Variants in OSBPL8 observed in about 807,000 individuals in gnomAD.
OSBPL8 encodes the protein oxysterol-binding protein-related protein 8.
Under a neutral mutation model 125.5 loss-of-function variants are expected in OSBPL8, and 59 were observed. The ratio of observed to expected loss-of-function variants is 0.47; its 90% CI spans 0.38 to 0.58. The LOEUF (loss-of-function observed/expected upper bound fraction) is 0.58. OSBPL8 is among the 20% of genes least tolerant of loss of function. The pLI is 0.00. For synonymous variants in OSBPL8, 330 were observed against 338.9 expected, an observed-to-expected ratio of 0.97 and a Z score of 0.29; for missense variants, 758 against 1,047.8, an observed-to-expected ratio of 0.72 and a Z score of 3.82.
intron 1 of OSBPL8, among the ~76,000 whole-genome samples, chr12:76,543,595 A>T (rs752931265): frequency 2.6e-5 from 4 of 152,190 alleles, no homozygotes; most frequent in Non-Finnish European, 5.9e-5. Context: ...CTGATATCCA[A>T]AAGCCATTCA....
intron 9 of OSBPL8, 132 bp from the exon 10 acceptor site, chr12:76,392,884 G>T: frequency 1.2e-6 from 1 of 867,644 alleles, no homozygotes; most frequent in Non-Finnish European, 1.7e-6. Context: ...ATAACATCTT[G>T]CTAGAATTTA....
intron 1 of OSBPL8, 108 bp downstream of exon 1, chr12:76,559,289 G>A: frequency 6.5e-6 from 1 of 152,978 alleles, no homozygotes. Context: ...GGCGGGGGTG[G>A]CCAGGAGTCC....
At chr12:76,557,929 C>T (rs545755135) in intron 1 of OSBPL8, among the ~76,000 whole-genome samples, 1 of 152,092 alleles carries the variant, frequency 6.6e-6, no homozygotes, top group South Asian at 2.1e-4. Context: ...GAGAAATAAA[C>T]CATGGCCATT....
At chr12:76,411,146 A>G (rs537681062) in intron 4 of OSBPL8, among the ~76,000 whole-genome samples, 3 of 152,180 alleles carry the variant, frequency 2.0e-5, no homozygotes, top group Non-Finnish European at 4.4e-5. Flanking sequence ...CATTCAATTA[A>G]TGTTCACCTT....
intron 15 of OSBPL8, among the ~76,000 whole-genome samples, chr12:76,383,188 C>G (rs1953135835): frequency 6.6e-6 from 1 of 151,874 alleles, no homozygotes; most frequent in African/African-American, 2.4e-5. Flanking sequence ...ATGAAGTAAT[C>G]CCAGAAAGTG....
At chr12:76,371,208 A>T in intron 19 of OSBPL8, 1 of 314,612 alleles carries the variant, frequency 3.2e-6, no homozygotes, top group Non-Finnish European at 5.6e-6. Flanking sequence ...CTTTTTTTTT[A>T]AGGTGCTGGA....
At chr12:76,504,859 A>G (rs1271505949) in intron 1 of OSBPL8, among the ~76,000 whole-genome samples, 1 of 152,094 alleles carries the variant, frequency 6.6e-6, no homozygotes, top group Admixed American at 6.6e-5. Context: ...AGAACCTAAG[A>G]TTGGCTTTTT....
At chr12:76,382,647 C>T (rs914665034) in intron 15 of OSBPL8, among the ~76,000 whole-genome samples, 6 of 152,188 alleles carry the variant, frequency 3.9e-5, no homozygotes, top group Non-Finnish European at 5.9e-5. Context: ...CTTTGGGAGG[C>T]TGAGGCGGGT....
chr12:76,397,675 G>A lies in OSBPL8; in HGVS notation c.672+19C>T, dbSNP rs761422777. 6 of 1,606,782 alleles carry A rather than the reference G, an allele frequency of 3.7e-6. No individual in the cohort carries two copies. The East Asian group carries it at 1.3e-4, about 36-fold the overall frequency. On this transcript the variant is annotated intron_variant, in intron 8 of 23. Coordinates refer to ENST00000261183, the MANE Select transcript of OSBPL8 (RefSeq NM_020841.5). Reference sequence around the variant, plus strand: ...ATTATCATCTTTACCTTTCACCTATGTAACAAGGGCTTACATACCTTCACT... The same window carrying A: ...ATTATCATCTTTACCTTTCACCTATATAACAAGGGCTTACATACCTTCACT...
intron 2 of OSBPL8, among the ~76,000 whole-genome samples, chr12:76,466,953 A>C (rs1386518347): frequency 2.7e-5 from 4 of 150,518 alleles, no homozygotes; most frequent in Non-Finnish European, 4.4e-5. Flanking sequence ...CAAGAACGAA[A>C]CTCTGTCTCA....
At chr12:76,462,285 C>T (rs1874834204) in intron 2 of OSBPL8, among the ~76,000 whole-genome samples, 1 of 152,162 alleles carries the variant, frequency 6.6e-6, no homozygotes. Context: ...TTTTTACTCC[C>T]AGAAAATAAT....
At chr12:76,420,354 C>T (rs957545111) in intron 4 of OSBPL8, among the ~76,000 whole-genome samples, 2 of 151,970 alleles carry the variant, frequency 1.3e-5, no homozygotes, top group African/African-American at 2.4e-5. Flanking sequence ...CCAATTTGTA[C>T]GTACTGTTCT....
chr12:76,510,345 T>C (rs1456944566), intron 1 of OSBPL8, among the ~76,000 whole-genome samples: 4 of 152,204 alleles, frequency 2.6e-5, no homozygotes, highest in Admixed American at 6.5e-5. Flanking sequence ...CTACTACTTA[T>C]GTAGAGTCCA....
At chr12:76,386,320 T>C in intron 13 of OSBPL8, 54 bp from the exon 14 acceptor site, 9 of 1,533,210 alleles carry the variant, frequency 5.9e-6, no homozygotes, top group Non-Finnish European at 7.9e-6. Flanking sequence ...GGATTCAAAA[T>C]AGTTTAAACT....
intron 1 of OSBPL8, among the ~76,000 whole-genome samples, chr12:76,515,396 T>C (rs149873827): frequency 1.3e-3 from 194 of 152,312 alleles, no homozygotes; most frequent in African/African-American, 4.6e-3. Flanking sequence ...TGATTTCTTA[T>C]CTTTGGTTTC....
chr12:76,377,110 C>T (rs1952849649), intron 16 of OSBPL8, among the ~76,000 whole-genome samples: 1 of 152,074 alleles, frequency 6.6e-6, no homozygotes, highest in Non-Finnish European at 1.5e-5. Context: ...TAAACTCATC[C>T]TTTTTTATGG....
intron 15 of OSBPL8, among the ~76,000 whole-genome samples, chr12:76,381,356 C>G (rs1343805322): frequency 3.3e-5 from 5 of 152,096 alleles, no homozygotes; most frequent in Non-Finnish European, 7.4e-5. Flanking sequence ...ACATCTGGGC[C>G]TGGAGTATAT....
intron 1 of OSBPL8, among the ~76,000 whole-genome samples, chr12:76,500,097 T>C (rs142061506): frequency 1.0e-3 from 152 of 152,312 alleles, no homozygotes; most frequent in African/African-American, 3.5e-3. Context: ...ACAGAAGTGA[T>C]CATGTCGACT....
intron 4 of OSBPL8, among the ~76,000 whole-genome samples, chr12:76,441,127 C>CA (rs1227126770): frequency 3.9e-5 from 6 of 152,098 alleles, no homozygotes; most frequent in Non-Finnish European, 7.4e-5. Flanking sequence ...CTCATGTGGG[C>CA]AGGAGCTGCG....
Sources: gnomAD v4.1 joint callset for allele counts (sites outside exome capture counted in the v4.1 genomes callset) on GRCh38, gnomAD v4.1.1 for gene constraint, MANE v1.5 for transcripts, NCBI Gene and HGNC (gene_info 2026-07-23, HGNC 2026-07-21) for gene names.